TPP2: variants seen among roughly 807,000 people sequenced by gnomAD.
TPP2 encodes the protein tripeptidyl peptidase 2.
Under a neutral mutation model 155.9 loss-of-function variants are expected in TPP2, and 34 were observed. The ratio of observed to expected loss-of-function variants is 0.22; its 90% confidence interval spans 0.17 to 0.29. The LOEUF is 0.29. TPP2 is among the 10% of genes least tolerant of loss of function. TPP2 has a pLI of 1.00. For synonymous variants in TPP2, 510 were observed against 529.4 expected (o/e 0.96, Z 0.50); for missense variants, 1,028 against 1,522.3 (o/e 0.68, Z 5.40).
intron 23 of TPP2, among the ~76,000 whole-genome samples, chr13:102,650,962 C>G (rs1179854675): frequency 6.6e-6 from 1 of 152,080 alleles, no homozygotes. Context: ...AGGTAACTTT[C>G]ACTTCACTTT....
chr13:102,653,630 G>A (rs1317853887), intron 24 of TPP2, among the ~76,000 whole-genome samples: 13 of 151,964 alleles, frequency 8.6e-5, no homozygotes, highest in Non-Finnish European at 1.3e-4. Context: ...TCCCGGCCTC[G>A]GACGATCCTC....
intron 5 of TPP2, among the ~76,000 whole-genome samples, chr13:102,619,147 G>A (rs10508092): frequency 0.098 from 14,858 of 152,212 alleles, 1,080 homozygotes; most frequent in African/African-American, 0.2. Context: ...AATTGAGATA[G>A]TGGTGCTTAC....
intron 3 of TPP2, among the ~76,000 whole-genome samples, 177 bp downstream of exon 3, chr13:102,614,373 C>T (rs1020218219): frequency 5.3e-5 from 8 of 152,098 alleles, no homozygotes; most frequent in African/African-American, 1.4e-4. Context: ...GAATGTCATC[C>T]GTGTAAACTT....
intron 16 of TPP2, among the ~76,000 whole-genome samples, chr13:102,642,416 T>TTTCACCTAAACAA (rs1882825915): frequency 6.6e-6 from 1 of 152,104 alleles, no homozygotes. Context: ...TTTAGGTTGG[T>TTTCACCTAAACAA]ATTGAAAATA....
intron 5 of TPP2, among the ~76,000 whole-genome samples, chr13:102,620,756 CATT>C (rs1480806969): frequency 6.6e-6 from 1 of 152,180 alleles, no homozygotes; most frequent in African/African-American, 2.4e-5. Flanking sequence ...GCCTCAGACT[CATT>C]GTCACTCCAA....
intron 27 of TPP2, among the ~76,000 whole-genome samples, chr13:102,670,662 G>C (rs926083980): frequency 6.6e-6 from 1 of 152,206 alleles, no homozygotes; most frequent in Non-Finnish European, 1.5e-5. Flanking sequence ...ATACCTGGGA[G>C]AGTCTAGGGC....
At position 102,633,354 on chromosome 13, in the gene TPP2, C is replaced by T. The variant is rs116098009; in HGVS notation, c.1245-596C>T. ...ATGTGCTGTAAGTATAGAATGTACA[C>T]CAAATTTCAAAGACTTGGTACAAAA... On this transcript the variant is annotated intron_variant, in intron 10 of 29. Transcript: ENST00000376052. Among the ~76,000 whole-genome samples, 331 of 152,208 alleles carry T rather than the reference C, an allele frequency of 2.2e-3. 1 individual carries two copies. Among genetic ancestry groups the T allele is most frequent in the African/African-American group, 7.3e-3 (304 of 41,510 alleles).
chr13:102,630,549 G>A, intron 10 of TPP2, among the ~76,000 whole-genome samples: 1 of 152,100 alleles, frequency 6.6e-6, no homozygotes, highest in African/African-American at 2.4e-5. Context: ...TGAAATGAAA[G>A]CCCTAAGCTT....
intron 24 of TPP2, chr13:102,655,015 C>T (rs556030089): frequency 2.0e-5 from 10 of 507,788 alleles, no homozygotes; most frequent in African/African-American, 1.9e-4. Flanking sequence ...CACGTGAGGC[C>T]TTTGTTTACA....
intron 21 of TPP2, 25 bp from the exon 22 acceptor site, chr13:102,648,882 C>T: frequency 6.4e-7 from 1 of 1,562,906 alleles, no homozygotes; most frequent in African/African-American, 1.4e-5. Context: ...CTTAACTTTT[C>T]CCAAATGTTG....
At chr13:102,613,034 GTTGCAAA>G (rs1880443685) in intron 2 of TPP2, among the ~76,000 whole-genome samples, 1 of 152,182 alleles carries the variant, frequency 6.6e-6, no homozygotes, top group African/African-American at 2.4e-5. Context: ...GCCGTGGGCT[GTTGCAAA>G]AACATTAAAG....
chr13:102,615,663 T>C (rs1880662973), intron 3 of TPP2, among the ~76,000 whole-genome samples: 1 of 152,164 alleles, frequency 6.6e-6, no homozygotes, highest in Non-Finnish European at 1.5e-5. Flanking sequence ...ACATTGAGGA[T>C]GCCTGCATTG....
Position 102,636,247 on chromosome 13 carries a change from C to T in TPP2, c.1533C>T (p.Leu511=), listed in dbSNP as rs748887989. ...IIQVDKAYDY[L]VQNTSFANKL... ...AGGTTGATAAAGCCTATGACTACCT[C>T]GTTCAGAATACATCATTTGCTAATA... Residue 511 remains leucine, a synonymous_variant, in exon 13 of 30, where the codon CTC becomes CTT. Transcript: ENST00000376052. 1.5e-5 allele frequency: 24 copies of T among 1,612,194 alleles called. No individual in the cohort carries two copies. The Admixed American group carries it at 1.7e-4, about 11-fold the overall frequency.
intron 8 of TPP2, 47 bp from the exon 9 acceptor site, chr13:102,629,435 G>A (rs1225148750): frequency 2.1e-6 from 3 of 1,443,242 alleles, no homozygotes; most frequent in African/African-American, 1.5e-5. Context: ...TATACACTTT[G>A]GGAATAGAGG....
At position 102,676,340 on chromosome 13, in the gene TPP2, T is replaced by TG; in HGVS notation, c.3627dup (p.Arg1210GlufsTer4). ...AACATGCATTAGTAAATAAAATGTATGGGAGAGGCCTTAAATTTGCAACTA... is the reference window on the plus strand; with the variant it reads ...AACATGCATTAGTAAATAAAATGTATGGGGAGAGGCCTTAAATTTGCAACTA... On this transcript the variant is annotated frameshift_variant, in exon 29 of 30. Transcript: ENST00000376052. LOFTEE classifies it high-confidence loss of function. 6.2e-7 allele frequency: 1 copy of TG among 1,609,426 alleles called. No individual in the cohort carries two copies. Among genetic ancestry groups the TG allele is most frequent in the Non-Finnish European group, 8.5e-7 (1 of 1,176,646 alleles).
intron 16 of TPP2, among the ~76,000 whole-genome samples, chr13:102,641,143 T>G (rs748198837): frequency 6.6e-6 from 1 of 152,234 alleles, no homozygotes. Flanking sequence ...TAACATGTTA[T>G]AGTCCTGTGA....
At chr13:102,597,568 C>T (rs376450592) in intron 1 of TPP2, among the ~76,000 whole-genome samples, 2 of 151,854 alleles carry the variant, frequency 1.3e-5, no homozygotes, top group Admixed American at 1.3e-4. Flanking sequence ...CAGGCCGGAC[C>T]CCCCAGGCTC....
chr13:102,619,218 T>C (rs762222327), intron 5 of TPP2, among the ~76,000 whole-genome samples: 5 of 152,242 alleles, frequency 3.3e-5, no homozygotes, highest in Non-Finnish European at 5.9e-5. Flanking sequence ...ATGTACGCTG[T>C]TGCTGCTGCT....
chr13:102,669,661 G>C (rs527359756), intron 27 of TPP2, among the ~76,000 whole-genome samples: 40 of 152,086 alleles, frequency 2.6e-4, no homozygotes, highest in Non-Finnish European at 5.3e-4. Flanking sequence ...GGCAATTTGG[G>C]CATTGCAGGA....
Sources: gnomAD v4.1 joint callset for allele counts (sites outside exome capture counted in the v4.1 genomes callset) on GRCh38, gnomAD v4.1.1 for gene constraint, MANE v1.5 for transcripts, NCBI Gene and HGNC (gene_info 2026-07-23, HGNC 2026-07-21) for gene names.